Variants in CAMK1D observed in about 807,000 individuals in gnomAD.
CAMK1D encodes the protein calcium/calmodulin dependent protein kinase ID, also known as calcium/calmodulin-dependent protein kinase type 1D.
A neutral mutation model predicts 47.7 loss-of-function variants in CAMK1D; 9 were observed. The ratio of observed to expected loss-of-function variants is 0.19; its 90% CI spans 0.11 to 0.33. The LOEUF is 0.33. Ranked by LOEUF, CAMK1D falls within the 10% of genes least tolerant of loss-of-function variation. The probability of loss-of-function intolerance (pLI) is 1.00; values close to 1 mark genes in which losing one functional copy is unlikely to be tolerated. For synonymous variants in CAMK1D, 184 were observed against 184.9 expected (o/e 0.99, Z 0.04); for missense variants, 291 against 488.7 (o/e 0.60, Z 3.81).
rs533228569 is a variant in CAMK1D at position 12,502,707 on chromosome 10, G to A, written c.93-50518G>A. ...CACTCTCGTTCCAGGTATAAGGCTG[G>A]TCAGCCTGCCCAGGGCTGGCAGTGG... On this transcript the variant is annotated intron_variant, in intron 1 of 10. Coordinates refer to ENST00000619168, the MANE Select transcript of CAMK1D (RefSeq NM_153498.4). Among the ~76,000 whole-genome samples the A allele has an allele frequency of 1.8e-4, 28 of 152,318 alleles. No individual in the cohort carries two copies. The South Asian group carries it at 5.0e-3, about 27-fold the overall frequency.
intron 3 of CAMK1D, among the ~76,000 whole-genome samples, chr10:12,736,573 C>A (rs1489773882): frequency 3.9e-5 from 6 of 152,242 alleles, no homozygotes; most frequent in African/African-American, 7.2e-5. Flanking sequence ...TATTTCAATA[C>A]AAAACCCAAC....
At chr10:12,373,486 G>T (rs1291390601) in intron 1 of CAMK1D, among the ~76,000 whole-genome samples, 2 of 151,702 alleles carry the variant, frequency 1.3e-5, no homozygotes, top group African/African-American at 4.8e-5. Context: ...GCAAGAATTA[G>T]CCAGGCGTAG....
chr10:12,802,969 C>T (rs1838553887), intron 6 of CAMK1D, among the ~76,000 whole-genome samples: 1 of 152,224 alleles, frequency 6.6e-6, no homozygotes, highest in African/African-American at 2.4e-5. Context: ...TGCAGTGGCA[C>T]ATCTGGATGG....
intron 3 of CAMK1D, among the ~76,000 whole-genome samples, chr10:12,675,683 C>A (rs1840783016): frequency 6.6e-6 from 1 of 152,206 alleles, no homozygotes; most frequent in Admixed American, 6.5e-5. Context: ...GTGTGTTAGT[C>A]AGATCTTATC....
chr10:12,710,546 T>C (rs1209836540), intron 3 of CAMK1D, among the ~76,000 whole-genome samples: 3 of 152,200 alleles, frequency 2.0e-5, no homozygotes, highest in Non-Finnish European at 4.4e-5. Flanking sequence ...TGACAGTGGC[T>C]TGAGAGACCA....
intron 2 of CAMK1D, among the ~76,000 whole-genome samples, chr10:12,648,274 A>G (rs1289859013): frequency 1.3e-5 from 2 of 152,092 alleles, no homozygotes; most frequent in African/African-American, 4.8e-5. Context: ...GATTTACCTA[A>G]TCATTAGAGT....
chr10:12,565,652 A>G (rs1015187865), intron 2 of CAMK1D, among the ~76,000 whole-genome samples: 1 of 152,230 alleles, frequency 6.6e-6, no homozygotes, highest in Non-Finnish European at 1.5e-5. Flanking sequence ...GCAACAAGTG[A>G]CTTCTACAAG....
Position 12,676,766 on chromosome 10 carries a change from A to G in CAMK1D, c.299+9956A>G, listed in dbSNP as rs192812956. Among the ~76,000 whole-genome samples the G allele has an allele frequency of 3.9e-3, 593 of 152,308 alleles. 7 individuals carry two copies. Among genetic ancestry groups the G allele is most frequent in the African/African-American group, 0.013 (548 of 41,570 alleles). On this transcript the variant is annotated intron_variant, in intron 3 of 10. Coordinates refer to ENST00000619168, the MANE Select transcript of CAMK1D (RefSeq NM_153498.4). ...TAGGTACCATTAATGTGAATGGTTC[A>G]GTTTACCTGGAAAATGATATTCGTT...
At chr10:12,463,941 ATGCCTTGCTTCCCCTTC>A (rs1333751377) in intron 1 of CAMK1D, among the ~76,000 whole-genome samples, 2 of 151,992 alleles carry the variant, frequency 1.3e-5, no homozygotes, top group Non-Finnish European at 2.9e-5. Context: ...TGTGAAGAAG[ATGCCTTGCTTCCCCTTC>A]TGCCTTGCTT....
intron 5 of CAMK1D, among the ~76,000 whole-genome samples, chr10:12,786,992 G>A (rs3781065): frequency 0.44 from 67,516 of 151,996 alleles, 15,483 homozygotes; most frequent in South Asian, 0.54. Context: ...GCGTGGTGGC[G>A]CACATATGTA....
chr10:12,435,724 G>A lies in CAMK1D; in HGVS notation c.92+85814G>A, dbSNP rs559915308. 4.1e-4 allele frequency among the ~76,000 whole-genome samples: 63 copies of A among 152,328 alleles called. 1 individual carries two copies. Among genetic ancestry groups the A allele is most frequent in the South Asian group, 3.5e-3 (17 of 4,832 alleles). On this transcript the variant is annotated intron_variant, in intron 1 of 10. Transcript: ENST00000619168. ...GCATTTTAACAGATGAGGGATGTAGGTCGCCTGTGGCTGGAGGTATTTTCA... is the reference window on the plus strand; with the variant it reads ...GCATTTTAACAGATGAGGGATGTAGATCGCCTGTGGCTGGAGGTATTTTCA...
At chr10:12,454,673 G>C (rs995450107) in intron 1 of CAMK1D, among the ~76,000 whole-genome samples, 1 of 151,540 alleles carries the variant, frequency 6.6e-6, no homozygotes, top group Non-Finnish European at 1.5e-5. Context: ...GTGTTCCCCA[G>C]GCTGGTCTTG....
intron 1 of CAMK1D, among the ~76,000 whole-genome samples, chr10:12,351,054 C>G (rs1165404556): frequency 6.6e-6 from 1 of 152,034 alleles, no homozygotes; most frequent in African/African-American, 2.4e-5. Flanking sequence ...ACCACATTAC[C>G]CAGCTTGTCT....
chr10:12,696,538 A>AAAAC (rs567363751), intron 3 of CAMK1D, among the ~76,000 whole-genome samples: 50 of 152,332 alleles, frequency 3.3e-4, no homozygotes, highest in African/African-American at 8.9e-4. Context: ...CTCCATCTCA[A>AAAAC]AAACAAACAA....
chr10:12,461,687 CAAAAAAAAAAAA>C (rs57291391), intron 1 of CAMK1D, among the ~76,000 whole-genome samples: 1 of 90,390 alleles, frequency 1.1e-5, no homozygotes, highest in Non-Finnish European at 2.2e-5. Flanking sequence ...GGCTTCATCT[CAAAAAAAAAAAA>C]AAAAAAAAGA....
intron 2 of CAMK1D, among the ~76,000 whole-genome samples, chr10:12,663,118 G>A (rs574019928): frequency 2.0e-5 from 3 of 152,178 alleles, no homozygotes; most frequent in Non-Finnish European, 4.4e-5. Context: ...ATGCCGCCAC[G>A]CCCAGCTGAT....
At chr10:12,656,788 C>T (rs1011914787) in intron 2 of CAMK1D, among the ~76,000 whole-genome samples, 1 of 152,108 alleles carries the variant, frequency 6.6e-6, no homozygotes, top group African/African-American at 2.4e-5. Context: ...TTGAAGTGGC[C>T]TATGGTCTAC....
intron 3 of CAMK1D, among the ~76,000 whole-genome samples, chr10:12,682,081 G>A (rs567245511): frequency 2.0e-5 from 3 of 152,288 alleles, no homozygotes; most frequent in South Asian, 2.1e-4. Context: ...TTAGGCAGGC[G>A]TGGTGTTGGG....
intron 1 of CAMK1D, among the ~76,000 whole-genome samples, chr10:12,358,043 A>C (rs1011612902): frequency 6.6e-6 from 1 of 151,896 alleles, no homozygotes; most frequent in African/African-American, 2.4e-5. Context: ...TGTTTTTCCA[A>C]ATCTTTCAGC....
Sources: allele counts gnomAD v4.1 joint callset (sites outside exome capture counted in the v4.1 genomes callset), GRCh38; gene constraint gnomAD v4.1.1; transcripts MANE v1.5; gene names NCBI Gene and HGNC (gene_info 2026-07-23, HGNC 2026-07-21).